ADD3: variants seen among roughly 807,000 people sequenced by gnomAD.
The protein encoded by ADD3 is gamma-adducin.
In ADD3, 25 loss-of-function variants were observed where a neutral mutation model predicts 80.2. The ratio of observed to expected loss-of-function variants is 0.31; its 90% CI spans 0.23 to 0.44. The LOEUF (loss-of-function observed/expected upper bound fraction) is 0.44. Among genes scored for constraint, ADD3 ranks in the 20% least tolerant of loss-of-function variants. ADD3 has a pLI of 1.00. For synonymous variants in ADD3, 284 were observed against 289.6 expected, an observed-to-expected ratio of 0.98 and a Z score of 0.20; for missense variants, 829 against 847.5, an observed-to-expected ratio of 0.98 and a Z score of 0.27.
At chr10:110,044,112 A>C (rs1856661446) in intron 1 of ADD3, among the ~76,000 whole-genome samples, 1 of 152,182 alleles carries the variant, frequency 6.6e-6, no homozygotes, top group Admixed American at 6.5e-5. Flanking sequence ...CTGAGGCATG[A>C]GATCGCTTGA....
At chr10:110,007,283 C>T (rs192042762), upstream of ADD3, among the ~76,000 whole-genome samples, 27 of 152,312 alleles carry the variant, frequency 1.8e-4, no homozygotes, top group East Asian at 5.2e-3. Context: ...GCGAGAGCCC[C>T]TGTCCTCCCC....
intron 1 of ADD3, among the ~76,000 whole-genome samples, chr10:110,041,628 TA>T: frequency 6.6e-6 from 1 of 152,288 alleles, no homozygotes; most frequent in Non-Finnish European, 1.5e-5. Context: ...TGCTTAGAAT[TA>T]TGGGCAATTT....
chr10:110,119,240 A>G lies in ADD3; in HGVS notation c.747A>G (p.Pro249=). The part of the protein sequence containing the change: ...AVSSMKCGIL[P]ISQESLLLGD... ...CCTCCATGAAATGTGGGATCCTTCCAATTTCTCAAGAGTCTCTTCTTCTGG... is the reference window on the plus strand; with the variant it reads ...CCTCCATGAAATGTGGGATCCTTCCGATTTCTCAAGAGTCTCTTCTTCTGG... The change falls in exon 7 of 15, where the codon CCA becomes CCG. Residue 249 remains proline (P), a synonymous_variant. Coordinates refer to ENST00000356080, the MANE Select transcript of ADD3 (RefSeq NM_016824.5). The G allele has an allele frequency of 6.2e-7, 1 of 1,614,154 alleles. No individual in the cohort carries two copies. Among genetic ancestry groups the G allele is most frequent in the Non-Finnish European group, 8.5e-7 (1 of 1,180,004 alleles).
At chr10:110,072,272 A>G (rs1844817851) in intron 1 of ADD3, among the ~76,000 whole-genome samples, 1 of 152,068 alleles carries the variant, frequency 6.6e-6, no homozygotes, top group Non-Finnish European at 1.5e-5. Context: ...TCACCATGTT[A>G]GCCAGGATGG....
At position 110,133,373 on chromosome 10, in the gene ADD3, G is replaced by A. The variant is rs751282751; in HGVS notation, c.1876G>A (p.Val626Ile). The change falls in exon 15 of 15, where the codon GTC becomes ATC. Residue 626 changes from valine (V) to isoleucine (I), a missense_variant. Physicochemically the swap from Val to Ile is conservative, Grantham distance 29. Coordinates refer to ENST00000356080, the MANE Select transcript of ADD3 (RefSeq NM_016824.5). ...SKSFISMEVPVMVVNGKDDMH... is the reference protein window; with the variant it reads ...SKSFISMEVPIMVVNGKDDMH... The stretch of plus-strand genomic sequence containing the variant: ...GAGCTTCATCTCCATGGAAGTGCCT[G>A]TCATGGTAGTAAATGGCAAGGATGA... The A allele has an allele frequency of 3.1e-6, 5 of 1,607,900 alleles. No individual in the cohort carries two copies. The South Asian group carries it at 3.3e-5, about 11-fold the overall frequency.
chr10:110,079,459 AGAGTGTGTGTGTGTGT>A (rs1381687448), intron 1 of ADD3, among the ~76,000 whole-genome samples: 1 of 112,326 alleles, frequency 8.9e-6, no homozygotes, highest in African/African-American at 4.7e-5. Context: ...AGAGAGAGAG[AGAGTGTGTGTGTGTGT>A]GTGTGTGTGT....
At chr10:110,075,104 A>G (rs1306564063) in intron 1 of ADD3, among the ~76,000 whole-genome samples, 2 of 152,206 alleles carry the variant, frequency 1.3e-5, no homozygotes, top group Non-Finnish European at 2.9e-5. Context: ...CTAACTACAC[A>G]TTGGGCAAGT....
chr10:110,114,805 C>T lies in ADD3; in HGVS notation c.335-1454C>T, dbSNP rs559099684. Among the ~76,000 whole-genome samples the T allele has an allele frequency of 5.3e-5, 8 of 152,262 alleles. No homozygotes were observed. The South Asian group carries it at 1.7e-3, about 32-fold the overall frequency. ...TGGAAATAGCAGGCTAGGCTGGGCA[C>T]AGTGGCTCATGTCTGTAATCCTAGC... On this transcript the variant is annotated intron_variant, in intron 3 of 14. Transcript: ENST00000356080.
chr10:110,132,158 G>A lies in ADD3; in HGVS notation c.1733-147G>A, dbSNP rs1853106717. On this transcript the variant is annotated intron_variant, in intron 13 of 14. Coordinates refer to ENST00000356080, the MANE Select transcript of ADD3 (RefSeq NM_016824.5). ...TCTTAATGTATAATTATGGATATAT[G>A]GGATAACTGTTAGCATGCTCAGCTC... The A allele has an allele frequency of 5.9e-5, 34 of 571,682 alleles. No individual in the cohort carries two copies. The South Asian group carries it at 7.4e-4, about 12-fold the overall frequency. The allele number at this position is 571,682 out of a possible 1,614,324, so 35.4% of individuals were successfully genotyped here.
chr10:110,098,193 G>A (rs527463893), intron 1 of ADD3, among the ~76,000 whole-genome samples: 1 of 152,268 alleles, frequency 6.6e-6, no homozygotes, highest in East Asian at 1.9e-4. Flanking sequence ...GTCTTCTGTA[G>A]TTCTGCTTTG....
chr10:110,118,311 G>T lies in ADD3; in HGVS notation c.568-276G>T, dbSNP rs966514399. On this transcript the variant is annotated intron_variant, in intron 5 of 14. Coordinates refer to ENST00000356080, the MANE Select transcript of ADD3 (RefSeq NM_016824.5). Reference sequence around the variant, plus strand: ...AGAGCTTAAGTTTCTCCTTTTCTTGGAAACTGTACTTCTTGCCAAGTACCA... The same window carrying T: ...AGAGCTTAAGTTTCTCCTTTTCTTGTAAACTGTACTTCTTGCCAAGTACCA... 2.6e-5 allele frequency among the ~76,000 whole-genome samples: 4 copies of T among 152,070 alleles called. No individual in the cohort carries two copies. The East Asian group carries it at 7.7e-4, about 29-fold the overall frequency.
At chr10:110,026,916 T>C (rs977532613) in intron 1 of ADD3, among the ~76,000 whole-genome samples, 1 of 152,192 alleles carries the variant, frequency 6.6e-6, no homozygotes, top group Non-Finnish European at 1.5e-5. Context: ...AAGAATACCA[T>C]TGGATTTCAG....
chr10:110,112,901 C>G lies in ADD3; in HGVS notation c.320C>G (p.Ser107Cys). 2.5e-6 allele frequency: 4 copies of G among 1,613,502 alleles called. No individual in the cohort carries two copies. Among genetic ancestry groups the G allele is most frequent in the Non-Finnish European group, 3.4e-6 (4 of 1,179,836 alleles). Residue 107 changes from serine to cysteine, a missense_variant, in exon 3 of 15, where the codon TCT (serine) becomes TGT (cysteine). Transcript: ENST00000356080. The part of the protein sequence containing the change: ...YIMANSFSGF[S>C]SPPLSLGMVT... ...ATGGCCAATTCTTTCTCGGGTTTTTCTTCACCTCCTCTCAGTATGTCAGTT... is the reference window on the plus strand; with the variant it reads ...ATGGCCAATTCTTTCTCGGGTTTTTGTTCACCTCCTCTCAGTATGTCAGTT...
intron 3 of ADD3, among the ~76,000 whole-genome samples, chr10:110,113,199 G>A (rs990133345): frequency 6.6e-6 from 1 of 152,086 alleles, no homozygotes; most frequent in Admixed American, 6.6e-5. Context: ...AAATGCTTGA[G>A]CCCAGGAGTT....
At chr10:110,044,298 A>T (rs1002060644) in intron 1 of ADD3, among the ~76,000 whole-genome samples, 2 of 152,190 alleles carry the variant, frequency 1.3e-5, no homozygotes, top group African/African-American at 4.8e-5. Context: ...AGGACAGCTT[A>T]TGTGAGAATT....
chr10:110,025,628 T>C (rs1183605365), intron 1 of ADD3, among the ~76,000 whole-genome samples: 1 of 152,212 alleles, frequency 6.6e-6, no homozygotes, highest in Non-Finnish European at 1.5e-5. Context: ...GTGGAAACCT[T>C]ACTTCATTTT....
chr10:110,116,477 AC>A, intron 4 of ADD3, 67 bp downstream of exon 4: 1 of 1,515,926 alleles, frequency 6.6e-7, no homozygotes, highest in East Asian at 2.3e-5. Flanking sequence ...TACTCTTCTT[AC>A]CTTTACCTGG....
At chr10:110,111,869 C>T (rs555911593) in intron 2 of ADD3, among the ~76,000 whole-genome samples, 95 of 151,592 alleles carry the variant, frequency 6.3e-4, no homozygotes, top group African/African-American at 2.2e-3. Context: ...GTTGAGATCG[C>T]GCCGTTGCAC....
At chr10:110,006,849 G>C (rs1345827248), upstream of ADD3, among the ~76,000 whole-genome samples, 5 of 152,026 alleles carry the variant, frequency 3.3e-5, no homozygotes, top group Non-Finnish European at 7.4e-5. Context: ...CAGTGCCTTG[G>C]AAACGAAGGG....
Sources: gnomAD v4.1 joint callset for allele counts (sites outside exome capture counted in the v4.1 genomes callset) on GRCh38, gnomAD v4.1.1 for gene constraint, MANE v1.5 for transcripts, NCBI Gene and HGNC (gene_info 2026-07-23, HGNC 2026-07-21) for gene names.